SFMBT2: variants seen among roughly 807,000 people sequenced by gnomAD.
The protein encoded by SFMBT2 is scm-like with four MBT domains protein 2.
A neutral mutation model predicts 110.1 loss-of-function variants in SFMBT2; 38 were observed. The observed-to-expected ratio is 0.35, with a 90% CI of 0.27 to 0.45. The LOEUF (loss-of-function observed/expected upper bound fraction) is 0.45. Ranked by LOEUF, SFMBT2 falls within the 20% of genes least tolerant of loss-of-function variation. The probability of loss-of-function intolerance (pLI) is 1.00; values close to 1 mark genes in which losing one functional copy is unlikely to be tolerated. For synonymous variants in SFMBT2, 425 were observed against 425.4 expected (o/e 1.00, Z 0.01); for missense variants, 1,011 against 1,094.9 (o/e 0.92, Z 1.08).
At chr10:7,375,722 C>T (rs767064074) in intron 2 of SFMBT2, among the ~76,000 whole-genome samples, 1 of 146,996 alleles carries the variant, frequency 6.8e-6, no homozygotes, top group African/African-American at 2.5e-5. Flanking sequence ...TACCCGATGG[C>T]CAGAGTTACT....
intron 1 of SFMBT2, 32 bp from the exon 2 acceptor site, chr10:7,381,981 C>T: frequency 7.6e-7 from 1 of 1,310,528 alleles, no homozygotes; most frequent in Non-Finnish European, 1.0e-6. Flanking sequence ...AAAATCAGAG[C>T]AGTTTAATCA....
intron 4 of SFMBT2, among the ~76,000 whole-genome samples, chr10:7,296,850 A>C (rs1004996304): frequency 6.6e-6 from 1 of 152,232 alleles, no homozygotes; most frequent in South Asian, 2.1e-4. Context: ...CCTGGCTACA[A>C]CAAAAGACTG....
rs754543856 is a variant in SFMBT2, at chr10:7,188,687, A to G, written c.1745T>C (p.Leu582Ser). ...ATCTTCTACCAGCTGTAATTCTCTT[A>G]ATACCCTTCCAGGCTTGTAGGCTGC... The part of the protein sequence containing the change: ...INAAYKPGRV[L>S]RELQLVEDPH... Residue 582 changes from leucine to serine, a missense_variant, in exon 16 of 21, where the codon TTA becomes TCA. Physicochemically the swap from Leu to Ser is moderately radical, Grantham distance 145. Transcript: ENST00000397167. 2 of 1,613,738 alleles carry G rather than the reference A, an allele frequency of 1.2e-6. No individual in the cohort carries two copies. The highest frequency in any genetic ancestry group is 3.3e-5 in the Admixed American group (2 of 59,980).
intron 4 of SFMBT2, among the ~76,000 whole-genome samples, chr10:7,345,646 C>A (rs1046604384): frequency 6.6e-6 from 1 of 152,224 alleles, no homozygotes; most frequent in Admixed American, 6.5e-5. Context: ...CGTGAGCCAC[C>A]GTGCCCAGCC....
chr10:7,407,402 G>A (rs951305431), intron 1 of SFMBT2, among the ~76,000 whole-genome samples: 7 of 152,162 alleles, frequency 4.6e-5, no homozygotes, highest in Non-Finnish European at 1.0e-4. Context: ...GGGGGATGGA[G>A]AGTGGTGGGC....
chr10:7,207,420 G>GGAAAGAAA (rs151010732), intron 11 of SFMBT2: 1 of 50,658 alleles, frequency 2.0e-5, no homozygotes, highest in African/African-American at 5.6e-5. Flanking sequence ...AAAGAAAGAA[G>GGAAAGAAA]GAAAGAAAGA....
At chr10:7,358,475 C>G (rs575569885) in intron 4 of SFMBT2, among the ~76,000 whole-genome samples, 6 of 151,332 alleles carry the variant, frequency 4.0e-5, no homozygotes, top group African/African-American at 1.5e-4. Context: ...AGGCATTGCC[C>G]TAGAACACCG....
At chr10:7,401,822 C>G (rs1846090532) in intron 1 of SFMBT2, among the ~76,000 whole-genome samples, 1 of 152,240 alleles carries the variant, frequency 6.6e-6, no homozygotes, top group Non-Finnish European at 1.5e-5. Context: ...ATGCCCTTGA[C>G]TTTTTCTGTG....
intron 11 of SFMBT2, chr10:7,207,706 A>T (rs956162811): frequency 4.1e-5 from 28 of 676,438 alleles, no homozygotes; most frequent in Non-Finnish European, 4.9e-5. Flanking sequence ...AATGGTCCTA[A>T]ATCTGGTGCG....
At chr10:7,195,049 T>G (rs1838725970) in intron 15 of SFMBT2, among the ~76,000 whole-genome samples, 1 of 152,226 alleles carries the variant, frequency 6.6e-6, no homozygotes, top group Admixed American at 6.5e-5. Context: ...GCTCTCCGTA[T>G]TTTTGTCAGT....
intron 6 of SFMBT2, among the ~76,000 whole-genome samples, chr10:7,281,187 A>G (rs923621824): frequency 6.6e-6 from 1 of 152,318 alleles, no homozygotes; most frequent in Non-Finnish European, 1.5e-5. Context: ...TTGAGGCTGC[A>G]ATGAGCCGAG....
intron 1 of SFMBT2, chr10:7,409,161 G>A (rs957793004): frequency 1.3e-5 from 2 of 148,630 alleles, no homozygotes; most frequent in Admixed American, 1.3e-4. Context: ...ACCCCAGAGC[G>A]GCGTGGAGGA....
intron 2 of SFMBT2, among the ~76,000 whole-genome samples, chr10:7,379,070 T>G (rs1339820758): frequency 6.6e-6 from 1 of 152,118 alleles, no homozygotes; most frequent in Non-Finnish European, 1.5e-5. Context: ...AGTGGGCTGT[T>G]GAAGGATTAG....
At chr10:7,377,840 C>T (rs746510510) in intron 2 of SFMBT2, among the ~76,000 whole-genome samples, 3 of 152,072 alleles carry the variant, frequency 2.0e-5, no homozygotes, top group Non-Finnish European at 4.4e-5. Context: ...AATCTGTGGC[C>T]GGGGGGTTGG....
At chr10:7,270,782 T>A (rs959137693) in intron 7 of SFMBT2, among the ~76,000 whole-genome samples, 2 of 152,246 alleles carry the variant, frequency 1.3e-5, no homozygotes, top group East Asian at 1.9e-4. Flanking sequence ...AAGGTAATTG[T>A]ATTTTGGAAA....
chr10:7,213,536 G>A (rs1839426360), intron 11 of SFMBT2, among the ~76,000 whole-genome samples: 1 of 152,198 alleles, frequency 6.6e-6, no homozygotes, highest in Admixed American at 6.5e-5. Flanking sequence ...TTCCGACTTG[G>A]GTGAATAACG....
At chr10:7,402,721 C>T (rs1447482883) in intron 1 of SFMBT2, among the ~76,000 whole-genome samples, 1 of 152,158 alleles carries the variant, frequency 6.6e-6, no homozygotes, top group African/African-American at 2.4e-5. Flanking sequence ...GCTGGCAAGA[C>T]TGAGGAGGCA....
chr10:7,315,110 A>AAG (rs1171716078), intron 4 of SFMBT2, among the ~76,000 whole-genome samples: 7,434 of 127,786 alleles, frequency 0.058, 271 homozygotes, highest in Non-Finnish European at 0.081. Flanking sequence ...GAAAGAAAGA[A>AAG]AAAGCAAGCA....
intron 4 of SFMBT2, among the ~76,000 whole-genome samples, chr10:7,338,088 TG>T (rs1843771539): frequency 1.3e-5 from 2 of 152,158 alleles, no homozygotes; most frequent in African/African-American, 4.8e-5. Context: ...CAGCTCTCAT[TG>T]TCTTCCACGG....
Sources: gnomAD v4.1 joint callset for allele counts (sites outside exome capture counted in the v4.1 genomes callset) on GRCh38, gnomAD v4.1.1 for gene constraint, MANE v1.5 for transcripts, NCBI Gene and HGNC (gene_info 2026-07-23, HGNC 2026-07-21) for gene names.